The following NT5DC3 variants were observed in gnomAD, a reference collection of about 807,000 sequenced individuals.
NT5DC3 encodes 5'-nucleotidase domain-containing protein 3.
A neutral mutation model predicts 67.8 loss-of-function variants in NT5DC3; 42 were observed. The observed-to-expected ratio is 0.62, with a 90% CI of 0.48 to 0.80. The LOEUF is 0.80. Among genes scored for constraint, NT5DC3 ranks in the 30% least tolerant of loss-of-function variants. The probability of loss-of-function intolerance (pLI) is 0.00; values close to 1 mark genes in which losing one functional copy is unlikely to be tolerated. For synonymous variants in NT5DC3, 237 were observed against 255.6 expected (o/e 0.93, Z 0.69); for missense variants, 570 against 696.4 (o/e 0.82, Z 2.04).
intron 4 of NT5DC3, among the ~76,000 whole-genome samples, chr12:103,805,039 G>C (rs1886738052): frequency 6.7e-6 from 1 of 149,082 alleles, no homozygotes; most frequent in Non-Finnish European, 1.5e-5. Context: ...CAACAAGAGG[G>C]AGACTCCATC....
intron 1 of NT5DC3, chr12:103,822,201 CAG>C (rs1163983065): frequency 6.9e-6 from 1 of 144,734 alleles, no homozygotes; most frequent in Non-Finnish European, 1.5e-5. Flanking sequence ...AAAAAAGCAA[CAG>C]AATAAATCAC....
At chr12:103,761,591 C>T in the NT5DC3 span, among the ~76,000 whole-genome samples, 4 of 152,024 alleles carry the variant, frequency 2.6e-5, no homozygotes, top group South Asian at 2.1e-4. Flanking sequence ...CTGCCATCCC[C>T]ACTCCCAAGC....
chr12:103,759,378 C>T, the NT5DC3 span: 2 of 1,461,140 alleles, frequency 1.4e-6, no homozygotes, highest in Non-Finnish European at 9.1e-7. Flanking sequence ...CAAACATAAA[C>T]TCTAAACCTG....
At chr12:103,767,968 A>G (rs961618554), downstream of NT5DC3, among the ~76,000 whole-genome samples, 3 of 151,696 alleles carry the variant, frequency 2.0e-5, no homozygotes, top group African/African-American at 7.3e-5. Flanking sequence ...CGGACCTGTA[A>G]TTCCAGCTAC....
At chr12:103,817,023 C>T (rs1593425525) in intron 1 of NT5DC3, among the ~76,000 whole-genome samples, 1 of 137,508 alleles carries the variant, frequency 7.3e-6, no homozygotes, top group Non-Finnish European at 1.6e-5. Flanking sequence ...TTTCATTTTC[C>T]ATCCATAACA....
intron 11 of NT5DC3, chr12:103,785,751 TAAAAAA>T (rs201632707): frequency 1.6e-3 from 596 of 366,386 alleles, no homozygotes; most frequent in East Asian, 0.01. Flanking sequence ...CCATGGTCTG[TAAAAAA>T]AAAAAAAAAA....
chr12:103,752,001 G>A, the NT5DC3 span, among the ~76,000 whole-genome samples: 1 of 152,144 alleles, frequency 6.6e-6, no homozygotes, highest in Admixed American at 6.5e-5. Flanking sequence ...GTTCATAGGA[G>A]GGCAAACTGC....
At chr12:103,818,672 A>G (rs1406879302) in intron 1 of NT5DC3, among the ~76,000 whole-genome samples, 1 of 152,172 alleles carries the variant, frequency 6.6e-6, no homozygotes. Context: ...CACTGCACCC[A>G]GCCACAACAA....
At chr12:103,840,012 T>C (rs558784043) in intron 1 of NT5DC3, among the ~76,000 whole-genome samples, 1 of 152,194 alleles carries the variant, frequency 6.6e-6, no homozygotes, top group African/African-American at 2.4e-5. Context: ...ACAGCGACAA[T>C]GGATTATTGG....
the NT5DC3 span, chr12:103,746,694 C>T: frequency 1.9e-6 from 3 of 1,613,804 alleles, no homozygotes; most frequent in Non-Finnish European, 2.5e-6. Context: ...GTGACGGAAT[C>T]ACATGCACAG....
At chr12:103,758,449 C>CGGGT in the NT5DC3 span, among the ~76,000 whole-genome samples, 1,489 of 152,354 alleles carry the variant, frequency 9.8e-3, 44 homozygotes, top group East Asian at 0.097. Context: ...TTGGCACACT[C>CGGGT]GGGTCTGAGA....
At chr12:103,807,909 T>G (rs985626747) in intron 2 of NT5DC3, among the ~76,000 whole-genome samples, 7 of 152,204 alleles carry the variant, frequency 4.6e-5, no homozygotes, top group Non-Finnish European at 8.8e-5. Context: ...CCCAGACACA[T>G]GGAACTGTGA....
In NT5DC3 at chr12:103,806,857, G is replaced by T; in HGVS notation, c.466C>A (p.Arg156=). Residue 156 remains arginine (R), a splice_region_variant and synonymous_variant, in exon 3 of 14, where the codon CGG becomes AGG. Transcript: ENST00000392876. ...AIRGLHYDVQ[R]AVLMKIDAFH... is the part of the protein sequence containing the mutation. ...AAAAACAGGAGAAGTAAACCTACCC[G>T]CTGTACATCATAATGAAGTCCACGA... 4.4e-6 allele frequency: 7 copies of T among 1,582,938 alleles called. No individual in the cohort carries two copies. The highest frequency in any genetic ancestry group is 5.2e-6 in the Non-Finnish European group (6 of 1,151,880).
chr12:103,837,963 T>C (rs1434799266), intron 1 of NT5DC3, among the ~76,000 whole-genome samples: 1 of 152,194 alleles, frequency 6.6e-6, no homozygotes, highest in Admixed American at 6.5e-5. Context: ...TTCATGCTGC[T>C]AATAAAGACA....
intron 9 of NT5DC3, chr12:103,789,136 C>T: frequency 2.0e-6 from 1 of 512,056 alleles, no homozygotes; most frequent in South Asian, 3.0e-5. Context: ...AAAAAGAATT[C>T]CAGGGGGCTG....
intron 9 of NT5DC3, among the ~76,000 whole-genome samples, 184 bp downstream of exon 9, chr12:103,792,980 T>C (rs1265125397): frequency 6.6e-6 from 1 of 152,240 alleles, no homozygotes; most frequent in Non-Finnish European, 1.5e-5. Flanking sequence ...TTTCAATGCA[T>C]GCAAACTGTC....
chr12:103,747,155 T>C, the NT5DC3 span, among the ~76,000 whole-genome samples: 1 of 151,938 alleles, frequency 6.6e-6, no homozygotes, highest in Non-Finnish European at 1.5e-5. Flanking sequence ...CTACAAGTAA[T>C]CCAGCCTTCA....
chr12:103,792,261 C>T (rs1886099720), intron 9 of NT5DC3, among the ~76,000 whole-genome samples: 1 of 152,098 alleles, frequency 6.6e-6, no homozygotes, highest in African/African-American at 2.4e-5. Flanking sequence ...TTTTTGAGTC[C>T]CTGCACATGG....
intron 1 of NT5DC3, among the ~76,000 whole-genome samples, chr12:103,818,451 C>G (rs952155243): frequency 6.6e-6 from 1 of 151,650 alleles, no homozygotes; most frequent in African/African-American, 2.4e-5. Flanking sequence ...TGCCAGCTCA[C>G]TGCAACCTCC....
Sources: allele counts gnomAD v4.1 joint callset (sites outside exome capture counted in the v4.1 genomes callset), GRCh38; gene constraint gnomAD v4.1.1; transcripts MANE v1.5; gene names NCBI Gene and HGNC (gene_info 2026-07-23, HGNC 2026-07-21).